TNS3: variants seen among roughly 807,000 people sequenced by gnomAD.
TNS3 encodes the protein tensin-3.
In TNS3, 45 loss-of-function variants were observed where a neutral mutation model predicts 140.9. The observed-to-expected ratio is 0.32, with a 90% CI of 0.25 to 0.41. The LOEUF (loss-of-function observed/expected upper bound fraction) is 0.41, where lower values mean the gene tolerates loss of function less well. Among genes scored for constraint, TNS3 ranks in the 10% least tolerant of loss-of-function variants. TNS3 has a pLI of 1.00. For synonymous variants in TNS3, 815 were observed against 788.4 expected (o/e 1.03, Z -0.56); for missense variants, 1,716 against 1,906.7 (o/e 0.90, Z 1.86).
intron 29 of TNS3, 32 bp downstream of exon 29, chr7:47,280,254 C>T (rs6971754): frequency 0.32 from 523,256 of 1,613,530 alleles, 88,915 homozygotes; most frequent in Middle Eastern, 0.37. Flanking sequence ...ATTAAGTACA[C>T]TCCTTGCTCA....
At chr7:47,483,569 A>G (rs1797505541) in intron 3 of TNS3, among the ~76,000 whole-genome samples, 1 of 152,216 alleles carries the variant, frequency 6.6e-6, no homozygotes, top group Admixed American at 6.5e-5. Context: ...TGTTGAGACA[A>G]TGAAAAGAAA....
At chr7:47,292,171 G>A in intron 26 of TNS3, 139 bp from the exon 27 acceptor site, 2 of 783,930 alleles carry the variant, frequency 2.6e-6, no homozygotes, top group South Asian at 4.0e-5. Context: ...TTTCTCTTTG[G>A]GACAATAATT....
At chr7:47,433,258 C>A (rs1486352805) in intron 8 of TNS3, among the ~76,000 whole-genome samples, 2 of 152,238 alleles carry the variant, frequency 1.3e-5, no homozygotes, top group Non-Finnish European at 2.9e-5. Flanking sequence ...ATTTCACCCC[C>A]GCAGTGATGA....
intron 1 of TNS3, among the ~76,000 whole-genome samples, chr7:47,580,139 G>A (rs564540942): frequency 4.1e-4 from 63 of 152,246 alleles, no homozygotes; most frequent in African/African-American, 1.1e-3. Flanking sequence ...CTGAGGAATC[G>A]CTGTCTGGAC....
At chr7:47,300,458 C>T (rs1435325941) in intron 23 of TNS3, among the ~76,000 whole-genome samples, 1 of 152,216 alleles carries the variant, frequency 6.6e-6, no homozygotes, top group Non-Finnish European at 1.5e-5. Context: ...ACTTATCCTG[C>T]ATCTACCAGG....
chr7:47,546,200 C>A (rs75004339), intron 1 of TNS3, among the ~76,000 whole-genome samples: 6,415 of 152,264 alleles, frequency 0.042, 459 homozygotes, highest in African/African-American at 0.15. Flanking sequence ...TCTGCTAAAG[C>A]GGATGATCAA....
chr7:47,423,938 C>T (rs534592693), intron 10 of TNS3, among the ~76,000 whole-genome samples, 163 bp downstream of exon 10: 3 of 152,344 alleles, frequency 2.0e-5, no homozygotes, highest in African/African-American at 7.2e-5. Context: ...TCCTTAACCT[C>T]TGGGAGGGAC....
intron 4 of TNS3, among the ~76,000 whole-genome samples, chr7:47,442,382 C>T (rs754998347): frequency 6.6e-6 from 1 of 152,246 alleles, no homozygotes; most frequent in Non-Finnish European, 1.5e-5. Flanking sequence ...TGCCAGATGA[C>T]ACCAGCGCTA....
chr7:47,480,941 A>C (rs1797392145), intron 4 of TNS3, among the ~76,000 whole-genome samples, 162 bp downstream of exon 4: 1 of 152,218 alleles, frequency 6.6e-6, no homozygotes, highest in Admixed American at 6.5e-5. Context: ...CAGCATGGTC[A>C]AAGGACCTCA....
chr7:47,551,342 A>G (rs1254898190), intron 1 of TNS3, among the ~76,000 whole-genome samples: 2 of 152,206 alleles, frequency 1.3e-5, no homozygotes, highest in Non-Finnish European at 2.9e-5. Context: ...GGGCACAGCC[A>G]TGGACTGGAT....
At position 47,389,109 on chromosome 7, in the gene TNS3, C is replaced by CGGAAGA. The variant is rs1554310453; in HGVS notation, c.1024+7690_1024+7691insTCTTCC. Among the ~76,000 whole-genome samples the CGGAAGA allele has an allele frequency of 3.4e-5, 2 of 59,078 alleles. 1 individual carries two copies. Among genetic ancestry groups the CGGAAGA allele is most frequent in the African/African-American group, 1.4e-4 (2 of 14,718 alleles). The allele number at this position is 59,078 out of a possible 152,430, so 38.8% of individuals were successfully genotyped here. ...GAGGAAGAGGAAGAGGAAGCGGAAG[C>CGGAAGA]AGAAGAAGAAGAAGAAGAAGAAGAA... is the stretch of plus-strand genomic sequence containing the variant. On this transcript the variant is annotated intron_variant, in intron 16 of 30. Transcript: ENST00000311160.
intron 3 of TNS3, among the ~76,000 whole-genome samples, chr7:47,497,645 CAG>C (rs1798060076): frequency 7.1e-6 from 1 of 141,774 alleles, no homozygotes; most frequent in African/African-American, 2.6e-5. Flanking sequence ...TCGCCTAGTA[CAG>C]AGTTTCACGT....
At chr7:47,488,131 A>G (rs1201114300) in intron 3 of TNS3, among the ~76,000 whole-genome samples, 1 of 152,216 alleles carries the variant, frequency 6.6e-6, no homozygotes. Context: ...TATGTTACTG[A>G]TCAATAAACT....
At chr7:47,542,409 G>T (rs973930814) in intron 1 of TNS3, among the ~76,000 whole-genome samples, 3 of 152,180 alleles carry the variant, frequency 2.0e-5, no homozygotes, top group African/African-American at 4.8e-5. Context: ...TCCCTCTGAC[G>T]TGTGCTCACA....
rs372501800 is a variant in TNS3 at position 47,411,777 on chromosome 7, T to C, written c.673A>G (p.Arg225Gly). 18 of 1,613,474 alleles carry C rather than the reference T, an allele frequency of 1.1e-5. No individual in the cohort carries two copies. The African/African-American group carries it at 2.3e-4, about 20-fold the overall frequency. The change falls in exon 13 of 31, where the codon AGG becomes GGG. Residue 225 changes from arginine to glycine, a missense_variant. By Grantham distance (125) the Arg-to-Gly change is moderately radical (BLOSUM62 -2). Around this residue, in one of 3 missense-constraint regions of TNS3, gnomAD observed 337 missense variants for 428.9 expected, o/e 0.79. Coordinates refer to ENST00000311160, the MANE Select transcript of TNS3 (RefSeq NM_022748.12). ...GCCGGCTCGATGACGATGCAGATCC[T>C]GCTGGGGTTTTCTGGGCCAACGTTG... is the stretch of plus-strand genomic sequence containing the variant. The part of the protein sequence containing the change: ...IYNVGPENPS[R>G]ICIVIEPAQL...
intron 4 of TNS3, among the ~76,000 whole-genome samples, chr7:47,443,231 A>T (rs4724578): frequency 1.3e-5 from 2 of 152,028 alleles, no homozygotes; most frequent in South Asian, 2.1e-4. Flanking sequence ...AGACAGGGCC[A>T]GTCTCATGGA....
chr7:47,450,962 C>T (rs991749356), intron 4 of TNS3, among the ~76,000 whole-genome samples: 27 of 151,924 alleles, frequency 1.8e-4, no homozygotes, highest in African/African-American at 6.3e-4. Context: ...GATGAAACCC[C>T]GTCTCTACTA....
At chr7:47,373,088 G>A (rs983890772) in intron 16 of TNS3, among the ~76,000 whole-genome samples, 4 of 152,184 alleles carry the variant, frequency 2.6e-5, no homozygotes, top group Admixed American at 2.0e-4. Context: ...GAGGGAAGGA[G>A]AAGGGGCCTC....
intron 1 of TNS3, among the ~76,000 whole-genome samples, chr7:47,558,343 A>G (rs1180518448): frequency 6.6e-6 from 1 of 152,102 alleles, no homozygotes; most frequent in Non-Finnish European, 1.5e-5. Context: ...CCCAGGGCAA[A>G]AAGCAAAGCT....
Sources: gnomAD v4.1 joint callset for allele counts (sites outside exome capture counted in the v4.1 genomes callset) on GRCh38, gnomAD v4.1.1 for gene constraint, gnomAD v4.1.1 regional missense constraint, MANE v1.5 for transcripts, NCBI Gene and HGNC (gene_info 2026-07-23, HGNC 2026-07-21) for gene names.